Variants in TICRR observed in about 807,000 individuals in gnomAD.
The protein encoded by TICRR is TOPBP1 interacting checkpoint and replication regulator.
TICRR carries 132 observed loss-of-function variants against 178.1 expected under a neutral mutation model. The observed-to-expected ratio is 0.74, with a 90% confidence interval of 0.64 to 0.86. The LOEUF (loss-of-function observed/expected upper bound fraction) is 0.86. TICRR is among the 40% of genes least tolerant of loss of function. The probability of loss-of-function intolerance (pLI) is 0.00; values close to 1 mark genes in which losing one functional copy is unlikely to be tolerated. For missense variants in TICRR, 2,587 were observed against 2,334.3 expected (o/e 1.11, Z -2.23); for synonymous variants, 991 against 900.7 (o/e 1.10, Z -1.79).
At chr15:89,623,570 A>G (rs893168730) in intron 19 of TICRR, 53 bp from the exon 20 acceptor site, 2 of 1,524,800 alleles carry the variant, frequency 1.3e-6, no homozygotes, top group East Asian at 4.5e-5. Flanking sequence ...AAAACACTTC[A>G]GAGATCATGA....
intron 2 of TICRR, among the ~76,000 whole-genome samples, chr15:89,583,874 A>G (rs1567040324): frequency 6.6e-6 from 1 of 151,994 alleles, no homozygotes; most frequent in Non-Finnish European, 1.5e-5. Flanking sequence ...TTTTGTAGAG[A>G]TGGGGTTTTG....
chr15:89,597,128 T>C (rs1963010147), intron 7 of TICRR, among the ~76,000 whole-genome samples: 1 of 152,218 alleles, frequency 6.6e-6, no homozygotes, highest in African/African-American at 2.4e-5. Context: ...TATTAATGTT[T>C]GAATATTCAA....
At chr15:89,589,618 G>A (rs1007621012) in intron 4 of TICRR, among the ~76,000 whole-genome samples, 1 of 152,152 alleles carries the variant, frequency 6.6e-6, no homozygotes, top group Admixed American at 6.5e-5. Flanking sequence ...AAGAAATCAT[G>A]TCATGTTTAT....
intron 18 of TICRR, 86 bp from the exon 19 acceptor site, chr15:89,621,307 C>A: frequency 7.2e-7 from 1 of 1,394,156 alleles, no homozygotes. Flanking sequence ...AGGCGTGAGC[C>A]ACCATGCGTG....
Position 89,582,788 on chromosome 15 carries a change from G to C in TICRR, c.757G>C (p.Ala253Pro), listed in dbSNP as rs777839849. 4.3e-6 allele frequency: 7 copies of C among 1,614,022 alleles called. No homozygotes were observed. In the African/African-American group the frequency reaches 9.3e-5, roughly 22 times the overall value. Residue 253 changes from alanine to proline, a missense_variant, in exon 2 of 22, where the codon GCT becomes CCT. Coordinates refer to ENST00000268138, the MANE Select transcript of TICRR (RefSeq NM_152259.4). Reference sequence around the variant, plus strand: ...ATCTGAATCTTTCAGCTGGGATTTTGCTCAAGCTGGGGAAATGCTGCTCAG... The same window carrying C: ...ATCTGAATCTTTCAGCTGGGATTTTCCTCAAGCTGGGGAAATGCTGCTCAG... ...LPSESFSWDF[A>P]QAGEMLLRSG... is the part of the protein sequence containing the mutation.
intron 21 of TICRR, 136 bp from the exon 22 acceptor site, chr15:89,626,820 A>T: frequency 1.1e-6 from 1 of 925,076 alleles, no homozygotes; most frequent in Non-Finnish European, 1.7e-6. Flanking sequence ...CCATTTCTGT[A>T]GGATAAGCGA....
intron 17 of TICRR, 90 bp from the exon 18 acceptor site, chr15:89,619,618 C>G (rs1489733262): frequency 7.4e-7 from 1 of 1,347,810 alleles, no homozygotes; most frequent in Non-Finnish European, 1.0e-6. Flanking sequence ...ATATGTGGTA[C>G]TATGTAAATT....
chr15:89,592,092 C>G lies in TICRR; in HGVS notation c.1457C>G (p.Thr486Ser), dbSNP rs780981403. 1.2e-6 allele frequency: 2 copies of G among 1,612,638 alleles called. No individual in the cohort carries two copies. Among genetic ancestry groups the G allele is most frequent in the Non-Finnish European group, 1.7e-6 (2 of 1,178,732 alleles). ...GCCCAGCAGGAGCTTGGCCACACCA[C>G]TCCCTGGAGTCCAGCTGTTGTGGAA... ...EWAQQELGHTTPWSPAVVEKW... is the reference protein window; with the variant it reads ...EWAQQELGHTSPWSPAVVEKW... The change falls in exon 5 of 22, where the codon ACT becomes AGT. Residue 486 changes from threonine to serine, a missense_variant. By Grantham distance (58) the Thr-to-Ser change is moderately conservative (BLOSUM62 1). Transcript: ENST00000268138.
intron 2 of TICRR, 137 bp from the exon 3 acceptor site, chr15:89,584,149 C>G (rs539747060): frequency 1.2e-6 from 1 of 833,432 alleles, no homozygotes; most frequent in African/African-American, 1.7e-5. Context: ...AACTAAGTGA[C>G]AGTATCTCAA....
At chr15:89,603,666 G>T (rs1220833101) in intron 13 of TICRR, among the ~76,000 whole-genome samples, 1 of 152,190 alleles carries the variant, frequency 6.6e-6, no homozygotes, top group East Asian at 1.9e-4. Flanking sequence ...CCAGGAGGTG[G>T]AGTAGTCGCC....
chr15:89,623,578 T>A, intron 19 of TICRR, 45 bp from the exon 20 acceptor site: 1 of 1,542,966 alleles, frequency 6.5e-7, no homozygotes. Context: ...TCAGAGATCA[T>A]GAGTTATAAT....
intron 15 of TICRR, 103 bp from the exon 16 acceptor site, chr15:89,616,302 A>G: frequency 1.2e-6 from 1 of 832,682 alleles, no homozygotes; most frequent in Admixed American, 2.1e-5. Context: ...CTCTCCAGCT[A>G]GGTAATAAGC....
At chr15:89,579,565 C>T (rs559448171) in intron 1 of TICRR, among the ~76,000 whole-genome samples, 1 of 152,110 alleles carries the variant, frequency 6.6e-6, no homozygotes, top group Non-Finnish European at 1.5e-5. Flanking sequence ...AGGCTCGTCT[C>T]GAACTCCTGG....
intron 2 of TICRR, among the ~76,000 whole-genome samples, chr15:89,583,378 AGG>A (rs1156581383): frequency 6.6e-6 from 1 of 152,236 alleles, no homozygotes; most frequent in Non-Finnish European, 1.5e-5. Context: ...GCTTGTTACC[AGG>A]AAAAGCAAAC....
At chr15:89,626,142 A>G in intron 21 of TICRR, 81 bp downstream of exon 21, 1 of 1,551,816 alleles carries the variant, frequency 6.4e-7, no homozygotes, top group African/African-American at 1.4e-5. Context: ...GCTCGATTCT[A>G]GAGGAGCCCC....
chr15:89,575,657 G>A lies in TICRR; in HGVS notation c.71G>A (p.Arg24Gln). 2 of 1,573,594 alleles carry A rather than the reference G, an allele frequency of 1.3e-6. No homozygotes were observed. Among genetic ancestry groups the A allele is most frequent in the Non-Finnish European group, 8.6e-7 (1 of 1,162,196 alleles). ...AGGAARHSRV[R>Q]RAALRLLTYL... ...GGCGCCGCCCGCCACAGCCGGGTCC[G>A]GCGGGCCGCCCTGCGCCTCCTCACC... Residue 24 changes from arginine (R) to glutamine (Q), a missense_variant, in exon 1 of 22, where the codon CGG becomes CAG. By Grantham distance (43) the Arg-to-Gln change is conservative (BLOSUM62 1). Coordinates refer to ENST00000268138, the MANE Select transcript of TICRR (RefSeq NM_152259.4).
At chr15:89,599,293 A>G in intron 7 of TICRR, 31 bp from the exon 8 acceptor site, 2 of 1,563,936 alleles carry the variant, frequency 1.3e-6, no homozygotes, top group African/African-American at 2.7e-5. Context: ...GCAAGATATG[A>G]TTAATCCATT....
chr15:89,616,358 G>C, intron 15 of TICRR, 47 bp from the exon 16 acceptor site: 3 of 1,548,138 alleles, frequency 1.9e-6, no homozygotes, highest in Non-Finnish European at 2.7e-6. Flanking sequence ...GCTGCTTCTT[G>C]ATGAGGTTAA....
intron 18 of TICRR, among the ~76,000 whole-genome samples, chr15:89,620,867 C>T (rs1225071720): frequency 4.0e-5 from 6 of 151,856 alleles, no homozygotes; most frequent in Non-Finnish European, 5.9e-5. Context: ...GGACTACAGG[C>T]GCCCGCCACC....
Sources: gnomAD v4.1 joint callset for allele counts (sites outside exome capture counted in the v4.1 genomes callset) on GRCh38, gnomAD v4.1.1 for gene constraint, MANE v1.5 for transcripts, NCBI Gene and HGNC (gene_info 2026-07-23, HGNC 2026-07-21) for gene names.